ARB2A: variants seen among roughly 807,000 people sequenced by gnomAD.
The protein encoded by ARB2A is cotranscriptional regulator ARB2A.
At chr5:93,930,575 G>C in the ARB2A span, among the ~76,000 whole-genome samples, 1 of 152,154 alleles carries the variant, frequency 6.6e-6, no homozygotes, top group Non-Finnish European at 1.5e-5. Context: ...AGAGATTAGG[G>C]AGAAGTCTTT....
the ARB2A span, chr5:93,804,898 A>G: frequency 1.1e-6 from 1 of 920,674 alleles, no homozygotes; most frequent in African/African-American, 1.8e-5. Flanking sequence ...TTACAATTAA[A>G]ACTTAAGTTT....
the ARB2A span, among the ~76,000 whole-genome samples, chr5:93,933,647 C>T: frequency 6.6e-6 from 1 of 151,650 alleles, no homozygotes; most frequent in Admixed American, 6.6e-5. Flanking sequence ...CACTGGGTCC[C>T]GTTAGGGGGT....
the ARB2A span, among the ~76,000 whole-genome samples, chr5:94,068,978 T>C: frequency 1.3e-5 from 2 of 150,882 alleles, no homozygotes; most frequent in Non-Finnish European, 3.0e-5. Context: ...GAGGTTGCAG[T>C]GAGCCGAGAT....
the ARB2A span, among the ~76,000 whole-genome samples, chr5:93,981,939 T>C: frequency 0.1 from 15,644 of 152,018 alleles, 934 homozygotes; most frequent in Middle Eastern, 0.16. Flanking sequence ...ACCCCCACAG[T>C]CCCTTCAGTC....
chr5:93,849,832 C>T, the ARB2A span, among the ~76,000 whole-genome samples: 2 of 151,898 alleles, frequency 1.3e-5, no homozygotes, highest in Non-Finnish European at 2.9e-5. Flanking sequence ...GAAAATTAGG[C>T]CAGCTCAAAA....
the ARB2A span, among the ~76,000 whole-genome samples, chr5:93,680,334 TA>T: frequency 5.3e-5 from 8 of 152,086 alleles, no homozygotes; most frequent in Non-Finnish European, 8.8e-5. Context: ...TTTGTCATAA[TA>T]AAAAATGGAG....
chr5:93,856,369 C>A, the ARB2A span, among the ~76,000 whole-genome samples: 4 of 152,202 alleles, frequency 2.6e-5, no homozygotes, highest in Admixed American at 2.6e-4. Flanking sequence ...TAATATCCTG[C>A]AGAGTGTTTT....
the ARB2A span, among the ~76,000 whole-genome samples, chr5:93,708,316 T>A: frequency 6.6e-6 from 1 of 152,182 alleles, no homozygotes; most frequent in African/African-American, 2.4e-5. Context: ...GAAGGCGACA[T>A]GTTTTCTATT....
the ARB2A span, chr5:94,050,632 T>G: frequency 3.6e-6 from 3 of 840,980 alleles, no homozygotes; most frequent in South Asian, 4.2e-5. Context: ...TGGAATCACA[T>G]TTTGTAGAAA....
chr5:93,632,972 G>A, the ARB2A span, among the ~76,000 whole-genome samples: 4 of 152,154 alleles, frequency 2.6e-5, no homozygotes, highest in African/African-American at 4.8e-5. Context: ...GTATTGGGAT[G>A]GGGAATACAC....
the ARB2A span, among the ~76,000 whole-genome samples, chr5:93,772,702 T>A: frequency 1.4e-4 from 22 of 152,210 alleles, no homozygotes; most frequent in Non-Finnish European, 1.2e-4. Context: ...TGGGGGAGAA[T>A]CTTCTTCCAA....
chr5:93,913,927 A>C, the ARB2A span, among the ~76,000 whole-genome samples: 1 of 152,010 alleles, frequency 6.6e-6, no homozygotes, highest in Admixed American at 6.6e-5. Flanking sequence ...ATAATACAAT[A>C]GACAGAGCTT....
chr5:93,817,085 CA>C, the ARB2A span, among the ~76,000 whole-genome samples: 1 of 141,774 alleles, frequency 7.1e-6, no homozygotes. Context: ...GGAATACACA[CA>C]AACACACACA....
At chr5:94,029,710 A>G in the ARB2A span, among the ~76,000 whole-genome samples, 1 of 152,338 alleles carries the variant, frequency 6.6e-6, no homozygotes, top group East Asian at 1.9e-4. Flanking sequence ...CACAATTCCA[A>G]TAAACCTTGA....
At chr5:94,034,280 C>T in the ARB2A span, among the ~76,000 whole-genome samples, 1 of 152,144 alleles carries the variant, frequency 6.6e-6, no homozygotes, top group Non-Finnish European at 1.5e-5. Flanking sequence ...CACAGCTGTA[C>T]TTAGGCTCGT....
chr5:93,843,940 A>G, the ARB2A span, among the ~76,000 whole-genome samples: 1 of 152,048 alleles, frequency 6.6e-6, no homozygotes, highest in African/African-American at 2.4e-5. Flanking sequence ...AAAGTGACTA[A>G]AGTACCCAGT....
chr5:94,055,084 T>C, the ARB2A span, among the ~76,000 whole-genome samples: 1 of 152,202 alleles, frequency 6.6e-6, no homozygotes, highest in Non-Finnish European at 1.5e-5. Context: ...TAGGTTCATA[T>C]TGTAGGATGA....
the ARB2A span, among the ~76,000 whole-genome samples, chr5:93,853,404 C>T: frequency 6.6e-6 from 1 of 152,208 alleles, no homozygotes; most frequent in Non-Finnish European, 1.5e-5. Context: ...CATCTGCAAA[C>T]ACGGACAATT....
chr5:93,810,349 C>A, the ARB2A span, among the ~76,000 whole-genome samples: 49 of 152,108 alleles, frequency 3.2e-4, no homozygotes, highest in Admixed American at 2.0e-4. Context: ...GCTCATCATA[C>A]CTACCTGATA....
Sources: gnomAD v4.1 joint callset for allele counts (sites outside exome capture counted in the v4.1 genomes callset) on GRCh38, gnomAD v4.1.1 for gene constraint, MANE v1.5 for transcripts, NCBI Gene and HGNC (gene_info 2026-07-23, HGNC 2026-07-21) for gene names.